Variants in DMXL2 observed in about 807,000 individuals in gnomAD.
DMXL2 encodes dmX-like protein 2.
Under a neutral mutation model 331.1 loss-of-function variants are expected in DMXL2, and 103 were observed. The ratio of observed to expected loss-of-function variants is 0.31; its 90% confidence interval spans 0.27 to 0.37. DMXL2 has a LOEUF of 0.37. DMXL2 is among the 10% of genes least tolerant of loss of function. The pLI, the probability that DMXL2 is intolerant of heterozygous loss-of-function variation, is 1.00. For missense variants in DMXL2, 3,171 were observed against 3,642.9 expected, an observed-to-expected ratio of 0.87 and a Z score of 3.33; for synonymous variants, 1,281 against 1,252.1, an observed-to-expected ratio of 1.02 and a Z score of -0.49.
At chr15:51,556,574 A>C (rs1367159451) in intron 6 of DMXL2, among the ~76,000 whole-genome samples, 3 of 151,856 alleles carry the variant, frequency 2.0e-5, no homozygotes, top group Admixed American at 2.0e-4. Flanking sequence ...GGAGTTCGAG[A>C]CCAGCCTGGA....
intron 9 of DMXL2, among the ~76,000 whole-genome samples, 184 bp from the exon 10 acceptor site, chr15:51,538,636 A>T (rs891430780): frequency 6.6e-6 from 1 of 152,264 alleles, no homozygotes; most frequent in Non-Finnish European, 1.5e-5. Flanking sequence ...AATGATAGAC[A>T]TATGAAATTA....
chr15:51,455,979 T>C, intron 39 of DMXL2, 87 bp downstream of exon 39: 1 of 1,478,180 alleles, frequency 6.8e-7, no homozygotes, highest in Non-Finnish European at 9.3e-7. Flanking sequence ...GGTCACTGAA[T>C]TCATTTTTCG....
intron 40 of DMXL2, 22 bp downstream of exon 40, chr15:51,455,129 G>A (rs2039511955): frequency 6.3e-7 from 1 of 1,589,598 alleles, no homozygotes; most frequent in African/African-American, 1.3e-5. Context: ...TATGCGCCCT[G>A]GGAACATTTA....
intron 9 of DMXL2, among the ~76,000 whole-genome samples, 182 bp downstream of exon 9, chr15:51,542,151 C>T (rs1376963831): frequency 1.3e-5 from 2 of 152,162 alleles, no homozygotes; most frequent in African/African-American, 4.8e-5. Context: ...CCCTGAGAAT[C>T]ACATAGTCCC....
intron 1 of DMXL2, among the ~76,000 whole-genome samples, chr15:51,598,943 T>C (rs2053031048): frequency 6.6e-6 from 1 of 152,266 alleles, no homozygotes; most frequent in African/African-American, 2.4e-5. Flanking sequence ...AGTACTACTA[T>C]GATGGCTGCC....
chr15:51,460,134 A>ATGTT, intron 33 of DMXL2: 2 of 970,510 alleles, frequency 2.1e-6, no homozygotes, highest in Non-Finnish European at 2.5e-6. Context: ...AAGTAAATAA[A>ATGTT]TGTTTAATAA....
intron 28 of DMXL2, among the ~76,000 whole-genome samples, chr15:51,473,644 C>A (rs2041318506): frequency 6.6e-6 from 1 of 152,144 alleles, no homozygotes; most frequent in African/African-American, 2.4e-5. Context: ...ATGTCCATTT[C>A]TAAGGATGAA....
At chr15:51,471,148 A>T in intron 29 of DMXL2, 75 bp downstream of exon 29, 1 of 1,391,022 alleles carries the variant, frequency 7.2e-7, no homozygotes, top group Non-Finnish European at 9.9e-7. Flanking sequence ...CATCATTCCT[A>T]TGTGAGACAC....
In DMXL2 at chr15:51,464,921, G is replaced by A. The variant is rs372594790; in HGVS notation, c.7607-45C>T. ...GTTATTTATTTTAATAAAAAATATC[G>A]ATCATCACCCAAATATTTATAGAAT... On this transcript the variant is annotated intron_variant, in intron 31 of 43. Transcript: ENST00000560891. 30 of 1,449,738 alleles carry A rather than the reference G, an allele frequency of 2.1e-5. No homozygotes were observed. In the African/African-American group the frequency reaches 3.6e-4, roughly 17 times the overall value. 89.8% of individuals were successfully genotyped at this position (1,449,738 alleles called of 1,614,324 possible). A position where few individuals can be genotyped will look rare whatever the true frequency, so the allele number is the denominator to read the frequency against.
Position 51,480,545 on chromosome 15 carries a change from T to C in DMXL2, c.6561A>G (p.Gln2187=), listed in dbSNP as rs73399548. 3.4e-4 allele frequency: 517 copies of C among 1,517,128 alleles called. 1 individual carries two copies. The African/African-American group carries it at 6.7e-3, about 20-fold the overall frequency. The allele number at this position is 1,517,128 out of a possible 1,614,324, so 94.0% of individuals were successfully genotyped here. A position where few individuals can be genotyped will look rare whatever the true frequency, so the allele number is the denominator to read the frequency against. ...MELKFLLQES[Q]QETTVKQLQS... ...GAAAAAAAAGTGATATTCACACCTGTTGTGATTCTTGTAGCAAAAATTTGA... is the reference window on the plus strand; with the variant it reads ...GAAAAAAAAGTGATATTCACACCTGCTGTGATTCTTGTAGCAAAAATTTGA... Residue 2187 remains glutamine, a synonymous_variant, in exon 24 of 44, where the codon CAA becomes CAG. Coordinates refer to ENST00000560891, the MANE Select transcript of DMXL2 (RefSeq NM_001378457.1).
chr15:51,577,449 A>T (rs2051123894), intron 1 of DMXL2, among the ~76,000 whole-genome samples: 1 of 152,208 alleles, frequency 6.6e-6, no homozygotes, highest in South Asian at 2.1e-4. Flanking sequence ...AAAAATCAAA[A>T]AGTTCACCAA....
At chr15:51,504,778 A>C (rs2043935176) in intron 16 of DMXL2, among the ~76,000 whole-genome samples, 1 of 152,180 alleles carries the variant, frequency 6.6e-6, no homozygotes, top group Non-Finnish European at 1.5e-5. Context: ...ATCACTAATG[A>C]GATGTGTTTC....
Position 51,536,834 on chromosome 15 carries a change from G to A in DMXL2, c.1646C>T (p.Ala549Val). 1 of 1,607,518 alleles carries A rather than the reference G, an allele frequency of 6.2e-7. No individual in the cohort carries two copies. Among genetic ancestry groups the A allele is most frequent in the Non-Finnish European group, 8.5e-7 (1 of 1,177,990 alleles). Residue 549 changes from alanine to valine, a missense_variant, in exon 12 of 44, where the codon GCA (alanine) becomes GTA (valine). Ala to Val is a moderately conservative substitution (Grantham distance 64). Around this residue, in one of 7 missense-constraint regions of DMXL2, gnomAD observed 1,674 missense variants for 1,780.2 expected, o/e 0.94. Coordinates refer to ENST00000560891, the MANE Select transcript of DMXL2 (RefSeq NM_001378457.1). Reference sequence around the variant, plus strand: ...AGAGCTTGCATCACCAGAGGGAAATGCAACAGGAATCCGAGAAGAAAAAGA... The same window carrying A: ...AGAGCTTGCATCACCAGAGGGAAATACAACAGGAATCCGAGAAGAAAAAGA... ...QVSFSSRIPV[A>V]FPSGDASSLS... is the part of the protein sequence containing the mutation.
chr15:51,457,390 C>T lies in DMXL2; in HGVS notation c.8275G>A (p.Val2759Met). ...PSATSYSASQ[V>M]HPPSSLPWLG... ...CATGGCAGAGATGAAGGTGGATGCACCTGACTTGCTGAATAGGATGTTGCA... is the reference window on the plus strand; with the variant it reads ...CATGGCAGAGATGAAGGTGGATGCATCTGACTTGCTGAATAGGATGTTGCA... Residue 2759 changes from valine (V) to methionine (M), a missense_variant, in exon 37 of 44, where the codon GTG (valine) becomes ATG (methionine). By Grantham distance (21) the Val-to-Met change is conservative. This residue lies in a region of DMXL2 where 766 missense variants were observed against 940.5 expected (regional missense o/e 0.81). Transcript: ENST00000560891. 1.2e-6 allele frequency: 2 copies of T among 1,614,174 alleles called. No homozygotes were observed. The highest frequency in any genetic ancestry group is 1.7e-6 in the Non-Finnish European group (2 of 1,180,020).
chr15:51,602,167 G>A lies in DMXL2; in HGVS notation c.87+20292C>T, dbSNP rs146760292. Among the ~76,000 whole-genome samples the A allele has an allele frequency of 9.5e-3, 1,440 of 152,172 alleles. 20 individuals carry two copies. Among genetic ancestry groups the A allele is most frequent in the African/African-American group, 0.033 (1,384 of 41,516 alleles). On this transcript the variant is annotated intron_variant, in intron 1 of 43. Transcript: ENST00000560891. Reference sequence around the variant, plus strand: ...GAGTTTGAAGTTCACTATTCTAGCAGAGTTTCCCATTTTACTGAACTAAGT... The same window carrying A: ...GAGTTTGAAGTTCACTATTCTAGCAAAGTTTCCCATTTTACTGAACTAAGT...
chr15:51,529,911 T>G (rs1229270928), intron 13 of DMXL2, among the ~76,000 whole-genome samples: 1 of 152,048 alleles, frequency 6.6e-6, no homozygotes, highest in African/African-American at 2.4e-5. Flanking sequence ...AAAAGATCAT[T>G]TATCATAACA....
rs1416496105 is a variant in DMXL2 at position 51,476,679 on chromosome 15, G to C, written c.6874C>G (p.Gln2292Glu). The C allele has an allele frequency of 6.2e-7, 1 of 1,608,660 alleles. No individual in the cohort carries two copies. Among genetic ancestry groups the C allele is most frequent in the Non-Finnish European group, 8.5e-7 (1 of 1,178,280 alleles). ...CTACGATCACTTAAAAGAAGTCCTTGATAAGCCATTCCTGTAAACTGATTT... is the reference window on the plus strand; with the variant it reads ...CTACGATCACTTAAAAGAAGTCCTTCATAAGCCATTCCTGTAAACTGATTT... ...EGNQFTGMAY[Q>E]GLLLSDRRRL... is the part of the protein sequence containing the mutation. The change falls in exon 27 of 44, where the codon CAA becomes GAA. Residue 2292 changes from glutamine to glutamate, a missense_variant. By Grantham distance (29) the Gln-to-Glu change is conservative. Coordinates refer to ENST00000560891, the MANE Select transcript of DMXL2 (RefSeq NM_001378457.1).
At chr15:51,614,416 T>A (rs962875497) in intron 1 of DMXL2, among the ~76,000 whole-genome samples, 1 of 152,226 alleles carries the variant, frequency 6.6e-6, no homozygotes, top group Non-Finnish European at 1.5e-5. Flanking sequence ...ATTCATTATA[T>A]ACTTAAGTCT....
At chr15:51,586,623 T>G (rs574819776) in intron 1 of DMXL2, among the ~76,000 whole-genome samples, 1 of 152,148 alleles carries the variant, frequency 6.6e-6, no homozygotes, top group African/African-American at 2.4e-5. Context: ...TACTAATAGA[T>G]GGAGCTATAA....
Sources: allele counts gnomAD v4.1 joint callset (sites outside exome capture counted in the v4.1 genomes callset), GRCh38; gene constraint gnomAD v4.1.1; regional missense constraint gnomAD v4.1.1; transcripts MANE v1.5; gene names NCBI Gene and HGNC (gene_info 2026-07-23, HGNC 2026-07-21).